The following ELMO1 variants were observed in gnomAD, a reference collection of about 807,000 sequenced individuals.
The protein encoded by ELMO1 is engulfment and cell motility protein 1.
ELMO1 carries 26 observed loss-of-function variants against 98.9 expected under a neutral mutation model. That is an observed-to-expected ratio of 0.26 (90% confidence interval 0.19 to 0.36). The LOEUF (loss-of-function observed/expected upper bound fraction) is 0.36. Ranked by LOEUF, ELMO1 falls within the 10% of genes least tolerant of loss-of-function variation. ELMO1 has a pLI of 1.00. For synonymous variants in ELMO1, 346 were observed against 346.0 expected, an observed-to-expected ratio of 1.00 and a Z score of 0.00; for missense variants, 627 against 935.2, an observed-to-expected ratio of 0.67 and a Z score of 4.30.
intron 16 of ELMO1, among the ~76,000 whole-genome samples, chr7:36,945,498 A>G (rs1021774565): frequency 6.6e-6 from 1 of 152,220 alleles, no homozygotes; most frequent in Non-Finnish European, 1.5e-5. Flanking sequence ...GGGAATCCCT[A>G]GAACGATCAT....
At chr7:37,130,963 T>C (rs899267134) in intron 14 of ELMO1, among the ~76,000 whole-genome samples, 7 of 152,168 alleles carry the variant, frequency 4.6e-5, no homozygotes, top group Non-Finnish European at 2.9e-5. Flanking sequence ...ATTGAAAAGA[T>C]TGAGCCCATC....
chr7:37,441,010 A>T (rs1159846310), intron 1 of ELMO1, among the ~76,000 whole-genome samples: 3 of 152,052 alleles, frequency 2.0e-5, no homozygotes. Flanking sequence ...CAAAAAAAAA[A>T]TTATTTTGAA....
intron 16 of ELMO1, among the ~76,000 whole-genome samples, chr7:36,920,292 T>C (rs187846321): frequency 6.6e-6 from 1 of 152,370 alleles, no homozygotes; most frequent in Non-Finnish European, 1.5e-5. Flanking sequence ...TTGGATTAAT[T>C]GTTTCATTGG....
chr7:37,374,451 G>A (rs80153246), intron 1 of ELMO1, among the ~76,000 whole-genome samples: 2,922 of 152,230 alleles, frequency 0.019, 56 homozygotes, highest in Non-Finnish European at 0.026. Context: ...TTAGTTAGTC[G>A]TTTAAAAAAA....
intron 1 of ELMO1, among the ~76,000 whole-genome samples, chr7:37,344,097 T>A (rs192008065): frequency 9.7e-4 from 144 of 148,152 alleles, no homozygotes; most frequent in Non-Finnish European, 1.7e-3. Context: ...AGGGGCATGA[T>A]CTCAGCTCAA....
intron 15 of ELMO1, among the ~76,000 whole-genome samples, chr7:37,021,762 C>A (rs187135085): frequency 6.6e-6 from 1 of 151,704 alleles, no homozygotes; most frequent in Non-Finnish European, 1.5e-5. Context: ...ATATGTTAAC[C>A]GAGATAAAGA....
chr7:37,241,990 A>G (rs1389931282), intron 7 of ELMO1, among the ~76,000 whole-genome samples: 1 of 152,146 alleles, frequency 6.6e-6, no homozygotes, highest in Non-Finnish European at 1.5e-5. Context: ...TCTATCTACT[A>G]TCATGTCTCT....
At position 37,007,325 on chromosome 7, in the gene ELMO1, C is replaced by T. The variant is rs142635618; in HGVS notation, c.1437+5974G>A. ...ACATACACCTACTTTATTAGCCACACCAGGCCCAGTTCAGATCAATAACAG... is the reference window on the plus strand; with the variant it reads ...ACATACACCTACTTTATTAGCCACATCAGGCCCAGTTCAGATCAATAACAG... On this transcript the variant is annotated intron_variant, in intron 16 of 21. Transcript: ENST00000310758. 8.1e-3 allele frequency among the ~76,000 whole-genome samples: 1,234 copies of T among 152,308 alleles called. 9 individuals carry two copies. The highest frequency in any genetic ancestry group is 0.012 in the Non-Finnish European group (842 of 68,026).
At chr7:36,906,186 C>A (rs1419348057) in intron 16 of ELMO1, among the ~76,000 whole-genome samples, 1 of 152,188 alleles carries the variant, frequency 6.6e-6, no homozygotes, top group Non-Finnish European at 1.5e-5. Flanking sequence ...GTACAATCAA[C>A]CAAAATGAAA....
chr7:37,063,934 G>A (rs997225749), intron 15 of ELMO1, among the ~76,000 whole-genome samples: 4 of 152,016 alleles, frequency 2.6e-5, no homozygotes, highest in East Asian at 3.9e-4. Context: ...CAGATTCCAC[G>A]GTCCATTATT....
rs1178969364 is a variant in ELMO1, at chr7:36,881,189, G to A, written c.1715-3072C>T. Among the ~76,000 whole-genome samples, 4 of 152,264 alleles carry A rather than the reference G, an allele frequency of 2.6e-5. No homozygotes were observed. The East Asian group carries it at 7.7e-4, about 29-fold the overall frequency. ...ACTTGTCTTGACTCATAATCAAATG[G>A]GAGGCTACTCAGCCAGTATCTTCCT... On this transcript the variant is annotated intron_variant, in intron 18 of 21. Coordinates refer to ENST00000310758, the MANE Select transcript of ELMO1 (RefSeq NM_014800.11).
intron 15 of ELMO1, among the ~76,000 whole-genome samples, chr7:37,018,488 T>C (rs1012902396): frequency 1.3e-5 from 2 of 148,692 alleles, no homozygotes; most frequent in African/African-American, 4.9e-5. Flanking sequence ...TTAGTTACTA[T>C]TTTTTTTTTA....
intron 15 of ELMO1, among the ~76,000 whole-genome samples, chr7:37,087,969 CGA>C (rs1039266159): frequency 1.3e-4 from 20 of 152,130 alleles, no homozygotes; most frequent in African/African-American, 4.6e-4. Context: ...GTCACCCAAA[CGA>C]TGCTTGAGAT....
rs144134549 is a variant in ELMO1, at chr7:37,255,731, T to A, written c.413+3450A>T. Among the ~76,000 whole-genome samples the A allele has an allele frequency of 1.9e-4, 29 of 152,314 alleles. No individual in the cohort carries two copies. The East Asian group carries it at 5.0e-3, about 26-fold the overall frequency. The stretch of plus-strand genomic sequence containing the variant: ...CAAGCCCTGGATACCTAGGTACTTG[T>A]GGCAGAACCAACTCATATCAGCAGG... On this transcript the variant is annotated intron_variant, in intron 6 of 21. Coordinates refer to ENST00000310758, the MANE Select transcript of ELMO1 (RefSeq NM_014800.11).
intron 15 of ELMO1, among the ~76,000 whole-genome samples, chr7:37,028,695 G>A (rs760550833): frequency 3.3e-5 from 5 of 152,064 alleles, no homozygotes; most frequent in Admixed American, 1.3e-4. Flanking sequence ...CGACCGTCCC[G>A]CCTCAGCCTC....
intron 16 of ELMO1, among the ~76,000 whole-genome samples, chr7:36,999,721 C>T (rs1792500671): frequency 6.6e-6 from 1 of 152,090 alleles, no homozygotes; most frequent in Admixed American, 6.6e-5. Context: ...CTGTATTTGT[C>T]AGACAAAAAC....
chr7:37,373,020 G>A (rs753398087), intron 1 of ELMO1, among the ~76,000 whole-genome samples: 10 of 152,192 alleles, frequency 6.6e-5, no homozygotes, highest in Non-Finnish European at 1.2e-4. Context: ...AGTGGCACCC[G>A]TGCTGTGTCA....
intron 15 of ELMO1, among the ~76,000 whole-genome samples, chr7:37,054,941 T>C (rs1796316438): frequency 3.3e-5 from 5 of 152,262 alleles, no homozygotes. Context: ...TTCATGAACA[T>C]ATTAGCATAT....
At chr7:37,041,228 C>G (rs182774322) in intron 15 of ELMO1, among the ~76,000 whole-genome samples, 1 of 152,350 alleles carries the variant, frequency 6.6e-6, no homozygotes, top group East Asian at 1.9e-4. Context: ...CATTGTTGCA[C>G]TGACCTTGGC....
Sources: gnomAD v4.1 joint callset for allele counts (sites outside exome capture counted in the v4.1 genomes callset) on GRCh38, gnomAD v4.1.1 for gene constraint, MANE v1.5 for transcripts, NCBI Gene and HGNC (gene_info 2026-07-23, HGNC 2026-07-21) for gene names.